Variants in AP5Z1 observed in about 807,000 individuals in gnomAD.
AP5Z1 encodes adaptor related protein complex 5 subunit zeta 1, also known as AP-5 complex subunit zeta-1.
AP5Z1 carries 106 observed loss-of-function variants against 83.0 expected under a neutral mutation model. That is an observed-to-expected ratio of 1.28 (90% CI 1.09 to 1.50). AP5Z1 has a LOEUF of 1.50. Among genes scored for constraint, AP5Z1 ranks in the 40% most tolerant of loss-of-function variants. AP5Z1 has a pLI of 0.00. For synonymous variants in AP5Z1, 751 were observed against 514.1 expected, an observed-to-expected ratio of 1.46 and a Z score of -6.23; for missense variants, 1,565 against 1,094.2, an observed-to-expected ratio of 1.43 and a Z score of -6.07.
Position 4,792,905 on chromosome 7 carries a change from G to C in AP5Z1, c.*1520G>C, listed in dbSNP as rs1008350084. 3 of 152,574 alleles carry C rather than the reference G, an allele frequency of 2.0e-5. No individual in the cohort carries two copies. The highest frequency in any genetic ancestry group is 7.2e-5 in the African/African-American group (3 of 41,476). 9.5% of individuals were successfully genotyped at this position (152,574 alleles called of 1,614,324 possible). Reference sequence around the variant, plus strand: ...GGGCTCATCCCGAAGCTCAGAGAGCGTGGGGCTGCCCCTAGGCTCGGAATG... The same window carrying C: ...GGGCTCATCCCGAAGCTCAGAGAGCCTGGGGCTGCCCCTAGGCTCGGAATG... On this transcript the variant is annotated 3_prime_UTR_variant, in exon 17 of 17. Transcript: ENST00000649063.
chr7:4,789,432 G>GCCCCCCATCTCCCCCATTGCTGCTT (rs2115124365), intron 13 of AP5Z1, among the ~76,000 whole-genome samples: 1 of 152,316 alleles, frequency 6.6e-6, no homozygotes, highest in East Asian at 1.9e-4. Context: ...ACAGGCTGGT[G>GCCCCCCATCTCCCCCATTGCTGCTT]CCCCCCATCT....
At chr7:4,782,012 CGAGTCAGTGGAGGCTGGGCCTCCAGA>C (rs1781395718) in intron 3 of AP5Z1, among the ~76,000 whole-genome samples, 2 of 152,122 alleles carry the variant, frequency 1.3e-5, no homozygotes, top group Non-Finnish European at 2.9e-5. Flanking sequence ...CTTGAGACAG[CGAGTCAGTGGAGGCTGGGCCTCCAGA>C]CCTTCTTTTT....
At chr7:4,790,105 T>C (rs1781708093) in intron 14 of AP5Z1, 176 bp downstream of exon 14, 6 of 1,348,726 alleles carry the variant, frequency 4.4e-6, no homozygotes, top group South Asian at 4.4e-5. Flanking sequence ...GGCACTTCTC[T>C]CTGCTTCTCA....
chr7:4,791,253 C>T lies in AP5Z1; in HGVS notation c.2292C>T (p.Ala764=), dbSNP rs1583243437. Residue 764 remains alanine (A), a synonymous_variant, in exon 17 of 17, where the codon GCC becomes GCT. Coordinates refer to ENST00000649063, the MANE Select transcript of AP5Z1 (RefSeq NM_014855.3). ...LLTLLKMPSV[A]QFVLTPSTEV... ...CCCTGCTGAAGATGCCTAGCGTGGC[C>T]CAGTTTGTGCTCACACCCAGCACGG... The T allele has an allele frequency of 6.2e-7, 1 of 1,612,786 alleles. No individual in the cohort carries two copies. Among genetic ancestry groups the T allele is most frequent in the Non-Finnish European group, 8.5e-7 (1 of 1,179,868 alleles).
intron 13 of AP5Z1, 159 bp downstream of exon 13, chr7:4,789,110 GC>G: frequency 3.3e-6 from 2 of 615,184 alleles, no homozygotes; most frequent in Non-Finnish European, 5.7e-6. Context: ...ACATGCCACA[GC>G]CCCGGCAGGC....
In AP5Z1 at chr7:4,784,952, G is replaced by A. The variant is rs542054269; in HGVS notation, c.835G>A (p.Ala279Thr). The change falls in exon 7 of 17, where the codon GCC becomes ACC. Residue 279 changes from alanine to threonine, a missense_variant. Coordinates refer to ENST00000649063, the MANE Select transcript of AP5Z1 (RefSeq NM_014855.3). The stretch of plus-strand genomic sequence containing the variant: ...GGGCTCCACTCTGTCGGTGATCTCC[G>A]CCACCTCCTCTGCCGGCCGCCTGCT... ...QEGSTLSVIS[A>T]TSSAGRLLPP... is the part of the protein sequence containing the mutation. 21 of 1,611,928 alleles carry A rather than the reference G, an allele frequency of 1.3e-5. No homozygotes were observed. Among genetic ancestry groups the A allele is most frequent in the Admixed American group, 5.0e-5 (3 of 59,944 alleles).
chr7:4,785,889 G>A (rs1433912276), intron 9 of AP5Z1, among the ~76,000 whole-genome samples: 1 of 151,794 alleles, frequency 6.6e-6, no homozygotes, highest in African/African-American at 2.4e-5. Context: ...TTACGGGCAT[G>A]AGCCACCGTG....
Position 4,790,522 on chromosome 7 carries a change from A to AAGAG in AP5Z1, c.1871_1874dup (p.Asp625GlufsTer139). The AAGAG allele has an allele frequency of 1.2e-6, 2 of 1,613,138 alleles. No homozygotes were observed. Among genetic ancestry groups the AAGAG allele is most frequent in the Non-Finnish European group, 1.7e-6 (2 of 1,179,842 alleles). On this transcript the variant is annotated frameshift_variant, in exon 15 of 17. Transcript: ENST00000649063. LOFTEE classifies it high-confidence loss of function. ...AACCCTCCCTGGTGGTGGAGCTGGC[A>AAGAG]AGAGACCTGCTGGAGTTCCTGGGCA...
At chr7:4,786,472 G>C in intron 10 of AP5Z1, 44 bp downstream of exon 10, 2 of 1,594,342 alleles carry the variant, frequency 1.3e-6, no homozygotes, top group Non-Finnish European at 1.7e-6. Context: ...GGCATGGTAA[G>C]TCCCTGGGGC....
At position 4,792,190 on chromosome 7, in the gene AP5Z1, C is replaced by T. The variant is rs558855056; in HGVS notation, c.*805C>T. On this transcript the variant is annotated 3_prime_UTR_variant, in exon 17 of 17. Transcript: ENST00000649063. ...TCCTGGGCCCTGTGGTCCCACCCTC[C>T]GGACTACCAAGGCACAGCTGTGTCG... 6.6e-6 allele frequency: 1 copy of T among 152,340 alleles called. No individual in the cohort carries two copies. Among genetic ancestry groups the T allele is most frequent in the South Asian group, 2.1e-4 (1 of 4,830 alleles). 9.4% of individuals were successfully genotyped at this position (152,340 alleles called of 1,614,324 possible).
At chr7:4,778,622 G>A (rs541390419) in intron 1 of AP5Z1, among the ~76,000 whole-genome samples, 1 of 152,044 alleles carries the variant, frequency 6.6e-6, no homozygotes, top group East Asian at 1.9e-4. Flanking sequence ...GGATTTTAGA[G>A]AGAAGCTTGA....
intron 5 of AP5Z1, 38 bp downstream of exon 5, chr7:4,783,836 G>C: frequency 6.6e-7 from 1 of 1,526,680 alleles, no homozygotes; most frequent in South Asian, 1.2e-5. Flanking sequence ...GGGGAACAGA[G>C]TCACAGACAA....
In AP5Z1 at chr7:4,780,769, G is replaced by GA. The variant is rs974295706; in HGVS notation, c.42-396dup. On this transcript the variant is annotated intron_variant, in intron 1 of 16. Transcript: ENST00000649063. ...TGACAGAGCAAGACTCCATCTCGGGGAAAAAAAAAATTTATTCTTGTTTCC... is the reference window on the plus strand; with the variant it reads ...TGACAGAGCAAGACTCCATCTCGGGGAAAAAAAAAAATTTATTCTTGTTTCC... 6.0e-5 allele frequency among the ~76,000 whole-genome samples: 9 copies of GA among 150,622 alleles called. No individual in the cohort carries two copies. The South Asian group carries it at 1.0e-3, about 18-fold the overall frequency.
At position 4,781,213 on chromosome 7, in the gene AP5Z1, G is replaced by T. The variant is rs768361738; in HGVS notation, c.80G>T (p.Arg27Leu). ...QDEELKKFCS[R>L]ICKLLQAEDL... is the part of the protein sequence containing the mutation. ...GAGGAGCTGAAGAAGTTCTGTTCCC[G>T]GATCTGTAAACTGCTGCAGGCGGAG... The change falls in exon 2 of 17, where the codon CGG becomes CTG. Residue 27 changes from arginine to leucine, a missense_variant. Physicochemically the swap from Arg to Leu is moderately radical, Grantham distance 102. Coordinates refer to ENST00000649063, the MANE Select transcript of AP5Z1 (RefSeq NM_014855.3). 196 of 1,613,848 alleles carry T rather than the reference G, an allele frequency of 1.2e-4. No homozygotes were observed. The highest frequency in any genetic ancestry group is 1.6e-4 in the Non-Finnish European group (191 of 1,179,886).
chr7:4,781,862 A>C, intron 3 of AP5Z1, 108 bp downstream of exon 3: 3 of 1,277,854 alleles, frequency 2.3e-6, no homozygotes, highest in East Asian at 2.7e-5. Context: ...CTTGTTGTAG[A>C]CGCATCTCGG....
intron 6 of AP5Z1, 109 bp downstream of exon 6, chr7:4,784,480 T>C: frequency 7.5e-7 from 1 of 1,339,018 alleles, no homozygotes; most frequent in Non-Finnish European, 1.0e-6. Context: ...GTGCCCAGGA[T>C]GCAGCAGAGG....
chr7:4,781,764 C>T lies in AP5Z1; in HGVS notation c.366+10C>T. ...CGTTCTCTTGGCCCAGGTAGCGCAG[C>T]AGTCACCACCCCAGTTGGCACCGGA... On this transcript the variant is annotated intron_variant, in intron 3 of 16. Transcript: ENST00000649063. 6.5e-7 allele frequency: 1 copy of T among 1,544,114 alleles called. No individual in the cohort carries two copies. The highest frequency in any genetic ancestry group is 8.8e-7 in the Non-Finnish European group (1 of 1,136,844).
In AP5Z1 at chr7:4,790,709, G is replaced by C. The variant is rs779554960; in HGVS notation, c.1975G>C (p.Asp659His). 10 of 1,611,236 alleles carry C rather than the reference G, an allele frequency of 6.2e-6. No homozygotes were observed. The highest frequency in any genetic ancestry group is 1.6e-4 in the Middle Eastern group (1 of 6,062). Residue 659 changes from aspartate to histidine, a missense_variant, in exon 16 of 17, where the codon GAT (aspartate) becomes CAT (histidine). Coordinates refer to ENST00000649063, the MANE Select transcript of AP5Z1 (RefSeq NM_014855.3). ...CGGCGAGTACCTGTCGGTGACCTAC[G>C]ATCGGAGGTGCACCGTGGAGCAGAT... is the stretch of plus-strand genomic sequence containing the variant. ...AIGEYLSVTY[D>H]RRCTVEQINK...
Position 4,791,143 on chromosome 7 carries a change from A to C in AP5Z1, c.2182A>C (p.Thr728Pro), listed in dbSNP as rs917007184. The change falls in exon 17 of 17, where the codon ACC becomes CCC. Residue 728 changes from threonine to proline, a missense_variant. By Grantham distance (38) the Thr-to-Pro change is conservative (BLOSUM62 -1). Transcript: ENST00000649063. Reference sequence around the variant, plus strand: ...CTCTTTATTGCTGTCAAAGATGAGGACCCTGGCTCACAGTCCAGCCACCAG... The same window carrying C: ...CTCTTTATTGCTGTCAAAGATGAGGCCCCTGGCTCACAGTCCAGCCACCAG... ...RASLLLSKMR[T>P]LAHSPATSST... 1.2e-6 allele frequency: 2 copies of C among 1,606,988 alleles called. No homozygotes were observed. Among genetic ancestry groups the C allele is most frequent in the Non-Finnish European group, 1.7e-6 (2 of 1,176,606 alleles).
Sources: gnomAD v4.1 joint callset for allele counts (sites outside exome capture counted in the v4.1 genomes callset) on GRCh38, gnomAD v4.1.1 for gene constraint, MANE v1.5 for transcripts, NCBI Gene and HGNC (gene_info 2026-07-23, HGNC 2026-07-21) for gene names.